PCDHGA5: variants seen among roughly 807,000 people sequenced by gnomAD.
The protein encoded by PCDHGA5 is protocadherin gamma-A5.
In PCDHGA5, 36 loss-of-function variants were observed where a neutral mutation model predicts 56.7. The observed-to-expected ratio is 0.64, with a 90% confidence interval of 0.49 to 0.84. The LOEUF is 0.84. Among genes scored for constraint, PCDHGA5 ranks in the 40% least tolerant of loss-of-function variants. The pLI is 0.00. For synonymous variants in PCDHGA5, 563 were observed against 520.2 expected (o/e 1.08, Z -1.12); for missense variants, 1,305 against 1,201.5 (o/e 1.09, Z -1.27).
At chr5:141,505,121 C>A (rs1194549194) in intron 2 of PCDHGA5, among the ~76,000 whole-genome samples, 1 of 152,168 alleles carries the variant, frequency 6.6e-6, no homozygotes, top group Non-Finnish European at 1.5e-5. Context: ...AAGATCGCGC[C>A]ACTGCACTCC....
chr5:141,433,208 C>CTTTT, intron 1 of PCDHGA5: 1 of 1,293,074 alleles, frequency 7.7e-7, no homozygotes, highest in African/African-American at 1.5e-5. Flanking sequence ...AATCTTCTTT[C>CTTTT]TTTTTTTTTT....
chr5:141,372,233 G>C, intron 1 of PCDHGA5: 1 of 1,613,368 alleles, frequency 6.2e-7, no homozygotes, highest in Non-Finnish European at 8.5e-7. Flanking sequence ...AGGCCAGCGA[G>C]CCCGGGCTGT....
At chr5:141,507,106 A>T (rs1205648425) in intron 3 of PCDHGA5, 1 of 152,118 alleles carries the variant, frequency 6.6e-6, no homozygotes, top group African/African-American at 2.4e-5. Context: ...TACTATAGGG[A>T]CCATGGCTGC....
chr5:141,421,586 T>A (rs750525078), intron 1 of PCDHGA5: 2 of 1,613,602 alleles, frequency 1.2e-6, no homozygotes, highest in Admixed American at 3.3e-5. Context: ...ATTTACGGAG[T>A]GGAGGTGGAA....
chr5:141,443,618 G>A (rs901899343), intron 1 of PCDHGA5, among the ~76,000 whole-genome samples: 2 of 152,178 alleles, frequency 1.3e-5, no homozygotes, highest in Non-Finnish European at 2.9e-5. Context: ...TTATAATCAG[G>A]TGATTGTAAA....
At position 141,432,950 on chromosome 5, in the gene PCDHGA5, G is replaced by T. The variant is rs750033444; in HGVS notation, c.2422-61857G>T. ...ACGCCTGCTGCAGGCTTCAGGAGGCGGCTTGACAGGAGCGCCGGCGTCGCA... is the reference window on the plus strand; with the variant it reads ...ACGCCTGCTGCAGGCTTCAGGAGGCTGCTTGACAGGAGCGCCGGCGTCGCA... On this transcript the variant is annotated intron_variant, in intron 1 of 3. Coordinates refer to ENST00000518069, the MANE Select transcript of PCDHGA5 (RefSeq NM_018918.3). This position sits in a 1 kb window ranked among gnomAD's most constrained non-coding sequence, Gnocchi z 6.0. 6 of 1,614,072 alleles carry T rather than the reference G, an allele frequency of 3.7e-6. No individual in the cohort carries two copies. Among genetic ancestry groups the T allele is most frequent in the Admixed American group, 1.7e-5 (1 of 60,010 alleles).
chr5:141,387,732 C>T (rs940812767), intron 1 of PCDHGA5: 5 of 1,279,332 alleles, frequency 3.9e-6, no homozygotes, highest in Non-Finnish European at 5.3e-6. Context: ...CAGCGCCAGC[C>T]TTTACACCGC....
At chr5:141,399,581 A>G (rs375436846) in intron 1 of PCDHGA5, 20 of 1,613,788 alleles carry the variant, frequency 1.2e-5, no homozygotes, top group Non-Finnish European at 1.4e-5. Context: ...CAAGTCTCCT[A>G]CTCTATCATG....
chr5:141,421,309 C>T (rs781110850), intron 1 of PCDHGA5: 9 of 1,613,516 alleles, frequency 5.6e-6, no homozygotes, highest in Admixed American at 1.7e-5. Context: ...GCGGGGGTTC[C>T]GGGCCAGGCA....
At chr5:141,398,387 G>T in intron 1 of PCDHGA5, 2 of 1,455,430 alleles carry the variant, frequency 1.4e-6, no homozygotes, top group Non-Finnish European at 1.9e-6. Context: ...TTGCTTGTGA[G>T]CAGCAGGCTA....
chr5:141,427,694 A>T (rs758628764), intron 1 of PCDHGA5: 2 of 913,932 alleles, frequency 2.2e-6, no homozygotes, highest in Non-Finnish European at 3.5e-6. Context: ...CCTCCATCCC[A>T]CAAGTCAGCG....
In PCDHGA5 at chr5:141,486,440, A is replaced by G; in HGVS notation, c.2422-8367A>G. 6.2e-7 allele frequency: 1 copy of G among 1,614,114 alleles called. No individual in the cohort carries two copies. The highest frequency in any genetic ancestry group is 8.5e-7 in the Non-Finnish European group (1 of 1,179,936). On this transcript the variant is annotated intron_variant, in intron 1 of 3. Coordinates refer to ENST00000518069, the MANE Select transcript of PCDHGA5 (RefSeq NM_018918.3). This position sits in a 1 kb window ranked among gnomAD's most constrained non-coding sequence, Gnocchi z 5.0. ...TCGAGAGGCCAAATCTAGCTATGACATCATGGTCACTGCTTCTGATGCTGG... is the reference window on the plus strand; with the variant it reads ...TCGAGAGGCCAAATCTAGCTATGACGTCATGGTCACTGCTTCTGATGCTGG...
intron 1 of PCDHGA5, chr5:141,423,851 C>A (rs1311833319): frequency 2.4e-6 from 3 of 1,275,940 alleles, no homozygotes; most frequent in East Asian, 3.1e-5. Context: ...TCTTTCAGAA[C>A]GTTTTTGTGA....
chr5:141,431,408 G>T lies in PCDHGA5; in HGVS notation c.2422-63399G>T, dbSNP rs1270461546. On this transcript the variant is annotated intron_variant, in intron 1 of 3. Coordinates refer to ENST00000518069, the MANE Select transcript of PCDHGA5 (RefSeq NM_018918.3). The surrounding 1 kb of genome is among the most constrained non-coding windows in gnomAD (Gnocchi z 4.8). ...CCACCTGGTCCTTACGGCCTCCGAC[G>T]GGGGCGACCCGGTGCGCACAGGCAC... 4 of 1,613,600 alleles carry T rather than the reference G, an allele frequency of 2.5e-6. No individual in the cohort carries two copies. Among genetic ancestry groups the T allele is most frequent in the Non-Finnish European group, 3.4e-6 (4 of 1,180,038 alleles).
chr5:141,388,892 A>G (rs1370408221), intron 1 of PCDHGA5: 1 of 1,613,996 alleles, frequency 6.2e-7, no homozygotes, highest in Non-Finnish European at 8.5e-7. Context: ...TAGAAGTCAT[A>G]GATGAAAATG....
At chr5:141,414,102 A>G in intron 1 of PCDHGA5, 1 of 1,593,854 alleles carries the variant, frequency 6.3e-7, no homozygotes, top group Non-Finnish European at 8.5e-7. Context: ...AAATATCAGA[A>G]AATCTAGATT....
intron 1 of PCDHGA5, among the ~76,000 whole-genome samples, chr5:141,455,138 TTAAA>T (rs1193499111): frequency 1.3e-5 from 2 of 151,028 alleles, no homozygotes; most frequent in Admixed American, 1.3e-4. Context: ...TTACACTGTG[TTAAA>T]TAAATATTAG....
At chr5:141,387,448 G>T (rs913381872) in intron 1 of PCDHGA5, among the ~76,000 whole-genome samples, 1 of 152,228 alleles carries the variant, frequency 6.6e-6, no homozygotes, top group African/African-American at 2.4e-5. Context: ...TAATCTACAT[G>T]ATTTGCCTAA....
intron 1 of PCDHGA5, chr5:141,403,174 T>C: frequency 1.9e-6 from 3 of 1,614,000 alleles, no homozygotes; most frequent in Non-Finnish European, 2.5e-6. Context: ...GGACGCAGCT[T>C]TTCTCTCTGA....
Sources: allele counts gnomAD v4.1 joint callset (sites outside exome capture counted in the v4.1 genomes callset), GRCh38; gene constraint gnomAD v4.1.1; non-coding constraint Gnocchi (gnomAD v3.1); transcripts MANE v1.5; gene names NCBI Gene and HGNC (gene_info 2026-07-23, HGNC 2026-07-21).